AGPS: variants seen among roughly 807,000 people sequenced by gnomAD.
The protein encoded by AGPS is alkyldihydroxyacetonephosphate synthase, peroxisomal.
A neutral mutation model predicts 90.7 loss-of-function variants in AGPS; 26 were observed. The observed-to-expected ratio is 0.29, with a 90% CI of 0.21 to 0.40. AGPS has a LOEUF of 0.40. Ranked by LOEUF, AGPS falls within the 10% of genes least tolerant of loss-of-function variation. AGPS has a pLI of 1.00. For synonymous variants in AGPS, 294 were observed against 285.3 expected, an observed-to-expected ratio of 1.03 and a Z score of -0.31; for missense variants, 540 against 816.1, an observed-to-expected ratio of 0.66 and a Z score of 4.12.
intron 1 of AGPS, among the ~76,000 whole-genome samples, chr2:177,407,780 A>C (rs1044533399): frequency 2.1e-5 from 3 of 143,072 alleles, no homozygotes; most frequent in African/African-American, 7.7e-5. Context: ...TTTAATAGAG[A>C]AAACAAATTT....
At chr2:177,449,362 C>T (rs12621156) in intron 8 of AGPS, among the ~76,000 whole-genome samples, 132,005 of 152,256 alleles carry the variant, frequency 0.87, 57,436 homozygotes, top group East Asian at 0.98. Context: ...CTTTGTATTG[C>T]TAGTCTTTTT....
chr2:177,461,814 A>G, intron 8 of AGPS, 79 bp from the exon 9 acceptor site: 1 of 1,283,268 alleles, frequency 7.8e-7, no homozygotes, highest in Middle Eastern at 2.1e-4. Context: ...GAAATTTTAA[A>G]GTGGGAGGAG....
Position 177,487,417 on chromosome 2 carries a change from TC to T in AGPS, c.1233+5233del, listed in dbSNP as rs1383362780. 3.3e-5 allele frequency among the ~76,000 whole-genome samples: 5 copies of T among 152,306 alleles called. No homozygotes were observed. The East Asian group carries it at 9.6e-4, about 29-fold the overall frequency. ...CTTTTGATGGAGGGTAATTTTTCCT[TC>T]CTTCTATCACTTTTATTTTAAACAA... is the stretch of plus-strand genomic sequence containing the variant. On this transcript the variant is annotated intron_variant, in intron 11 of 19. Transcript: ENST00000264167.
At chr2:177,455,657 A>G (rs2105657225) in intron 8 of AGPS, among the ~76,000 whole-genome samples, 1 of 151,582 alleles carries the variant, frequency 6.6e-6, no homozygotes, top group South Asian at 2.1e-4. Flanking sequence ...AGCTCCTTTA[A>G]CTTCAGTTTG....
rs2079209482 is a variant in AGPS at position 177,539,125 on chromosome 2, C to T, written c.*930C>T. On this transcript the variant is annotated 3_prime_UTR_variant, in exon 20 of 20. Transcript: ENST00000264167. ...ATTGTTTCACTAAAGAAACAGTCAT[C>T]ATTCAACTACTGAATTTGAAAGCCT... is the stretch of plus-strand genomic sequence containing the variant. 6.6e-6 allele frequency: 1 copy of T among 152,054 alleles called. No individual in the cohort carries two copies. The highest frequency in any genetic ancestry group is 2.4e-5 in the African/African-American group (1 of 41,434). 9.4% of individuals were successfully genotyped at this position (152,054 alleles called of 1,614,324 possible).
At chr2:177,420,188 T>C (rs1343477259) in intron 1 of AGPS, 81 bp from the exon 2 acceptor site, 5 of 890,260 alleles carry the variant, frequency 5.6e-6, no homozygotes, top group Admixed American at 3.8e-5. Flanking sequence ...TAGATGATTG[T>C]GAGTTAATAA....
intron 15 of AGPS, among the ~76,000 whole-genome samples, chr2:177,506,564 T>G (rs1688721003): frequency 6.6e-6 from 1 of 151,952 alleles, no homozygotes; most frequent in Non-Finnish European, 1.5e-5. Flanking sequence ...AAAGGCTGAA[T>G]TAATATGTTC....
At chr2:177,519,303 T>C (rs1414603392) in intron 17 of AGPS, among the ~76,000 whole-genome samples, 1 of 152,188 alleles carries the variant, frequency 6.6e-6, no homozygotes, top group Non-Finnish European at 1.5e-5. Context: ...CAATATCTTA[T>C]GTTTCTTTGT....
intron 1 of AGPS, among the ~76,000 whole-genome samples, chr2:177,407,133 A>AT (rs1355835855): frequency 2.0e-5 from 3 of 152,012 alleles, no homozygotes; most frequent in African/African-American, 4.8e-5. Flanking sequence ...TTTCTGGACC[A>AT]TTTTTTTCAT....
At chr2:177,438,687 C>T (rs1038940637) in intron 5 of AGPS, among the ~76,000 whole-genome samples, 2 of 152,108 alleles carry the variant, frequency 1.3e-5, no homozygotes, top group Non-Finnish European at 2.9e-5. Flanking sequence ...GAGATTAATT[C>T]AATAATCCTT....
At chr2:177,518,430 A>G (rs1689085655) in intron 17 of AGPS, among the ~76,000 whole-genome samples, 1 of 151,986 alleles carries the variant, frequency 6.6e-6, no homozygotes, top group Admixed American at 6.6e-5. Context: ...TAGCAAAACT[A>G]CATCTCAAAA....
chr2:177,402,612 G>A (rs564273939), intron 1 of AGPS, among the ~76,000 whole-genome samples: 2 of 152,234 alleles, frequency 1.3e-5, no homozygotes, highest in East Asian at 3.9e-4. Context: ...TCTATCTCCT[G>A]TTACCTTTTC....
intron 11 of AGPS, among the ~76,000 whole-genome samples, chr2:177,483,519 G>A (rs1573999190): frequency 6.6e-6 from 1 of 152,226 alleles, no homozygotes; most frequent in Admixed American, 6.5e-5. Context: ...ACTACTCCTG[G>A]GTAGGGAGAG....
At chr2:177,415,434 T>C (rs1430599974) in intron 1 of AGPS, among the ~76,000 whole-genome samples, 3 of 152,206 alleles carry the variant, frequency 2.0e-5, no homozygotes, top group Non-Finnish European at 4.4e-5. Context: ...TTAACAACTT[T>C]CTGTGTTCTC....
rs191256122 is a variant in AGPS at position 177,440,322 on chromosome 2, T to G, written c.638-643T>G. ...ATTAATAAGTTAACATTACTGGAAA[T>G]GAGACATGTTCATATCATGTGCCTC... is the stretch of plus-strand genomic sequence containing the variant. On this transcript the variant is annotated intron_variant, in intron 5 of 19. Transcript: ENST00000264167. Among the ~76,000 whole-genome samples the G allele has an allele frequency of 2.3e-3, 349 of 152,224 alleles. 2 individuals are homozygous for G. Among genetic ancestry groups the G allele is most frequent in the Admixed American group, 0.02 (303 of 15,286 alleles).
chr2:177,493,548 G>T (rs1232187394), intron 12 of AGPS, among the ~76,000 whole-genome samples: 1 of 152,186 alleles, frequency 6.6e-6, no homozygotes, highest in East Asian at 1.9e-4. Context: ...TTCTCAACCA[G>T]ACTTCTTCAC....
At chr2:177,501,717 G>T (rs184404382) in intron 14 of AGPS, among the ~76,000 whole-genome samples, 7 of 152,246 alleles carry the variant, frequency 4.6e-5, no homozygotes, top group African/African-American at 1.7e-4. Context: ...ACCCAGGCTG[G>T]AGTGCAGTGG....
At chr2:177,417,236 A>G (rs1472147989) in intron 1 of AGPS, among the ~76,000 whole-genome samples, 3 of 152,212 alleles carry the variant, frequency 2.0e-5, no homozygotes, top group East Asian at 1.9e-4. Context: ...TTGCTTCCTG[A>G]TAGTTCAGTG....
chr2:177,410,968 T>C (rs1408391849), intron 1 of AGPS, among the ~76,000 whole-genome samples: 2 of 152,150 alleles, frequency 1.3e-5, no homozygotes, highest in Non-Finnish European at 1.5e-5. Context: ...AAAGTGTCCT[T>C]GTAGGCCGCA....
Sources: gnomAD v4.1 joint callset for allele counts (sites outside exome capture counted in the v4.1 genomes callset) on GRCh38, gnomAD v4.1.1 for gene constraint, MANE v1.5 for transcripts, NCBI Gene and HGNC (gene_info 2026-07-23, HGNC 2026-07-21) for gene names.